The following DDX60 variants were observed in gnomAD, a reference collection of about 807,000 sequenced individuals.
DDX60 encodes probable ATP-dependent RNA helicase DDX60.
Under a neutral mutation model 212.8 loss-of-function variants are expected in DDX60, and 165 were observed. The observed-to-expected ratio is 0.78, with a 90% CI of 0.68 to 0.88. The LOEUF is 0.88. DDX60 is among the 40% of genes least tolerant of loss of function. The pLI is 0.00. For missense variants in DDX60, 1,905 were observed against 2,003.9 expected (o/e 0.95, Z 0.94); for synonymous variants, 703 against 685.3 (o/e 1.03, Z -0.40).
chr4:168,297,471 A>C (rs1736455200), intron 6 of DDX60, among the ~76,000 whole-genome samples: 1 of 152,192 alleles, frequency 6.6e-6, no homozygotes, highest in Non-Finnish European at 1.5e-5. Flanking sequence ...ATAAAGAATA[A>C]GTTACAAGAT....
intron 37 of DDX60, among the ~76,000 whole-genome samples, chr4:168,218,390 C>T (rs1307540016): frequency 6.6e-6 from 1 of 152,166 alleles, no homozygotes; most frequent in Non-Finnish European, 1.5e-5. Context: ...TTACCAACTG[C>T]ATAAATTTTT....
At chr4:168,300,269 C>A (rs554490319) in intron 6 of DDX60, among the ~76,000 whole-genome samples, 1 of 151,982 alleles carries the variant, frequency 6.6e-6, no homozygotes, top group Non-Finnish European at 1.5e-5. Context: ...CGGCTGGGTG[C>A]GGTGGCTCAC....
In DDX60 at chr4:168,291,846, T is replaced by G; in HGVS notation, c.943A>C (p.Thr315Pro). The change falls in exon 8 of 38, where the codon ACT (threonine) becomes CCT (proline). Residue 315 changes from threonine to proline, a missense_variant. Transcript: ENST00000393743. The part of the protein sequence containing the change: ...MEDLCKLHCL[T>P]VVFLLHLPLS... The stretch of plus-strand genomic sequence containing the variant: ...GGCAGATGGAGTAGAAAAACCACAG[T>G]GAGACAATGCAGTTTACACAAATCT... 1 of 1,613,754 alleles carries G rather than the reference T, an allele frequency of 6.2e-7. No homozygotes were observed. The highest frequency in any genetic ancestry group is 8.5e-7 in the Non-Finnish European group (1 of 1,179,802).
intron 23 of DDX60, 123 bp downstream of exon 23, chr4:168,262,560 C>A (rs1217668775): frequency 1.5e-6 from 1 of 652,990 alleles, no homozygotes; most frequent in East Asian, 3.0e-5. Flanking sequence ...AGAAGAGGCA[C>A]TCTTATTGTA....
At chr4:168,250,384 A>T (rs1299329013) in intron 28 of DDX60, among the ~76,000 whole-genome samples, 1 of 152,050 alleles carries the variant, frequency 6.6e-6, no homozygotes, top group Admixed American at 6.6e-5. Context: ...TCTACTAAAA[A>T]TACAAAATTA....
At position 168,236,270 on chromosome 4, in the gene DDX60, G is replaced by C; in HGVS notation, c.4515C>G (p.Phe1505Leu). Residue 1505 changes from phenylalanine to leucine, a missense_variant, in exon 33 of 38, where the codon TTC (phenylalanine) becomes TTG (leucine). Physicochemically the swap from Phe to Leu is conservative, Grantham distance 22. Transcript: ENST00000393743. The part of the protein sequence containing the change: ...YFPPKFQDAH[F>L]EFYQSKVFLD... ...AGTTTACCTTTGATTGATAAAACTC[G>C]AAGTGTGCATCTTGGAACTTTGGTG... The C allele has an allele frequency of 6.2e-7, 1 of 1,610,350 alleles. No homozygotes were observed. The highest frequency in any genetic ancestry group is 1.3e-5 in the African/African-American group (1 of 74,796).
intron 33 of DDX60, among the ~76,000 whole-genome samples, chr4:168,235,507 G>C (rs968495395): frequency 1.3e-5 from 2 of 152,046 alleles, no homozygotes; most frequent in African/African-American, 2.4e-5. Context: ...AAAGATGATA[G>C]GTCAATGACT....
Position 168,287,186 on chromosome 4 carries a change from C to T in DDX60, c.1201G>A (p.Gly401Arg). ...TCATAATCTTTCATAATGGTATCTC[C>T]CAAATTCAAATGTAGGCCTACATAA... is the stretch of plus-strand genomic sequence containing the variant. ...ENVKGLHLNLGDTIMKDYEYL... is the reference protein window; with the variant it reads ...ENVKGLHLNLRDTIMKDYEYL... The change falls in exon 10 of 38, where the codon GGA becomes AGA. Residue 401 changes from glycine to arginine, a missense_variant. Transcript: ENST00000393743. The T allele has an allele frequency of 6.2e-7, 1 of 1,607,240 alleles. No individual in the cohort carries two copies. The highest frequency in any genetic ancestry group is 8.5e-7 in the Non-Finnish European group (1 of 1,177,176).
intron 33 of DDX60, among the ~76,000 whole-genome samples, chr4:168,235,220 G>A (rs532284023): frequency 3.3e-5 from 5 of 151,738 alleles, no homozygotes; most frequent in Non-Finnish European, 5.9e-5. Flanking sequence ...TCCCCAGGCT[G>A]GTCTCAAACT....
intron 1 of DDX60, 65 bp downstream of exon 1, chr4:168,318,557 A>T (rs1737509763): frequency 6.6e-6 from 1 of 152,346 alleles, no homozygotes; most frequent in African/African-American, 2.4e-5. Context: ...GTTGAAGAAG[A>T]CCTAGAACTC....
chr4:168,225,743 GAAGA>G, intron 33 of DDX60, 67 bp from the exon 34 acceptor site: 3 of 1,444,786 alleles, frequency 2.1e-6, no homozygotes, highest in Non-Finnish European at 2.8e-6. Flanking sequence ...ATCGTTGGAA[GAAGA>G]AAGGTAAAGA....
intron 37 of DDX60, among the ~76,000 whole-genome samples, chr4:168,219,715 G>C (rs1356419470): frequency 6.6e-6 from 1 of 152,120 alleles, no homozygotes; most frequent in Non-Finnish European, 1.5e-5. Flanking sequence ...AAAGTATTGA[G>C]TTGCATGCAG....
At chr4:168,293,454 G>A (rs531801334) in intron 7 of DDX60, among the ~76,000 whole-genome samples, 4 of 152,250 alleles carry the variant, frequency 2.6e-5, no homozygotes, top group Non-Finnish European at 4.4e-5. Flanking sequence ...ATGCTGTTGT[G>A]AGGATTTAAG....
intron 33 of DDX60, among the ~76,000 whole-genome samples, chr4:168,233,742 C>T (rs1246814896): frequency 1.3e-5 from 2 of 152,044 alleles, no homozygotes; most frequent in African/African-American, 2.4e-5. Flanking sequence ...TAAAAGACTA[C>T]ACATTGGGTG....
In DDX60 at chr4:168,276,063, A is replaced by C. The variant is rs1237187926; in HGVS notation, c.2097T>G (p.Leu699=). ...EDDRQLIARC[L]KYLGFDELAS... is the part of the protein sequence containing the mutation. ...CCAACTCATCAAATCCTAAATACTT[A>C]AGGCATCTGGCTATGAGTTGCCGAT... Residue 699 remains leucine, a synonymous_variant, in exon 15 of 38, where the codon CTT becomes CTG. Coordinates refer to ENST00000393743, the MANE Select transcript of DDX60 (RefSeq NM_017631.6). The C allele has an allele frequency of 6.2e-7, 1 of 1,613,450 alleles. No individual in the cohort carries two copies. The highest frequency in any genetic ancestry group is 1.3e-5 in the African/African-American group (1 of 74,916).
At position 168,285,501 on chromosome 4, in the gene DDX60, G is replaced by A. The variant is rs2149529683; in HGVS notation, c.1340-3C>T. On this transcript the variant is annotated splice_polypyrimidine_tract_variant and splice_region_variant and intron_variant, in intron 10 of 37. Transcript: ENST00000393743. ...GGGCACCATTTCATTGGAGCTGTCT[G>A]TAAACAAACAAAAAAAAATTGAGAC... 1.3e-6 allele frequency: 2 copies of A among 1,585,236 alleles called. No homozygotes were observed. The highest frequency in any genetic ancestry group is 1.7e-6 in the Non-Finnish European group (2 of 1,165,850).
At chr4:168,252,930 G>A (rs1442714928) in intron 26 of DDX60, among the ~76,000 whole-genome samples, 1 of 151,956 alleles carries the variant, frequency 6.6e-6, no homozygotes, top group African/African-American at 2.4e-5. Flanking sequence ...TCAGCCTCCC[G>A]AGTAGCTGGG....
At chr4:168,221,604 A>G (rs1733052387) in intron 36 of DDX60, 126 bp downstream of exon 36, 2 of 960,172 alleles carry the variant, frequency 2.1e-6, no homozygotes, top group Admixed American at 3.1e-5. Flanking sequence ...TCAATCTAGT[A>G]TGTTTAGTAT....
chr4:168,312,948 C>T (rs533230141), intron 1 of DDX60, among the ~76,000 whole-genome samples: 2 of 152,174 alleles, frequency 1.3e-5, no homozygotes, highest in Non-Finnish European at 2.9e-5. Context: ...TATGGTCTCT[C>T]ACTCACTCAG....
Sources: gnomAD v4.1 joint callset for allele counts (sites outside exome capture counted in the v4.1 genomes callset) on GRCh38, gnomAD v4.1.1 for gene constraint, MANE v1.5 for transcripts, NCBI Gene and HGNC (gene_info 2026-07-23, HGNC 2026-07-21) for gene names.